Variants in PLIN3 observed in about 807,000 individuals in gnomAD.
The protein encoded by PLIN3 is perilipin 3.
PLIN3 carries 30 observed loss-of-function variants against 35.9 expected under a neutral mutation model. The observed-to-expected ratio is 0.84, with a 90% confidence interval of 0.62 to 1.13. The LOEUF is 1.13. PLIN3 is among the 50% of genes most tolerant of loss of function. The pLI, the probability that PLIN3 is intolerant of heterozygous loss-of-function variation, is 0.00. For synonymous variants in PLIN3, 261 were observed against 262.5 expected (o/e 0.99, Z 0.06); for missense variants, 603 against 596.9 (o/e 1.01, Z -0.11).
At chr19:4,852,645 CTTT>C (rs1160136382) in intron 4 of PLIN3, among the ~76,000 whole-genome samples, 3 of 146,178 alleles carry the variant, frequency 2.1e-5, no homozygotes, top group Non-Finnish European at 3.0e-5. Context: ...TTCTTTCTTT[CTTT>C]TTTTTTTTTG....
At chr19:4,849,002 T>C (rs1180528619) in intron 5 of PLIN3, among the ~76,000 whole-genome samples, 1 of 152,190 alleles carries the variant, frequency 6.6e-6, no homozygotes, top group African/African-American at 2.4e-5. Context: ...TCTCGGTCTG[T>C]TGCCCAGGCT....
At chr19:4,845,581 G>A (rs950954439) in intron 6 of PLIN3, among the ~76,000 whole-genome samples, 13 of 151,976 alleles carry the variant, frequency 8.6e-5, no homozygotes, top group African/African-American at 3.1e-4. Flanking sequence ...AACAGCATAG[G>A]CAACACAGTG....
Position 4,862,503 on chromosome 19 carries a change from C to G in PLIN3, c.-17-1092G>C, listed in dbSNP as rs2030709472. 2.0e-5 allele frequency among the ~76,000 whole-genome samples: 3 copies of G among 152,062 alleles called. No homozygotes were observed. In the South Asian group the frequency reaches 6.2e-4, roughly 31 times the overall value. The stretch of plus-strand genomic sequence containing the variant: ...TCAAACAATCCTCTTGCCTTGGACT[C>G]CCAAAGTTCTGGGATTACAGGAGTG... On this transcript the variant is annotated intron_variant, in intron 1 of 7. Coordinates refer to ENST00000221957, the MANE Select transcript of PLIN3 (RefSeq NM_005817.5).
intron 1 of PLIN3, chr19:4,866,622 G>A (rs141769395): frequency 1.3e-5 from 2 of 152,338 alleles, no homozygotes; most frequent in African/African-American, 4.8e-5. Flanking sequence ...CAGGTGAGAA[G>A]ACATACCTAC....
At chr19:4,865,221 G>A (rs1337380756) in intron 1 of PLIN3, among the ~76,000 whole-genome samples, 1 of 151,660 alleles carries the variant, frequency 6.6e-6, no homozygotes, top group East Asian at 1.9e-4. Context: ...AGGCATGGTA[G>A]CTCACGCCTG....
chr19:4,845,493 A>G (rs1316830611), intron 6 of PLIN3, among the ~76,000 whole-genome samples: 1 of 152,120 alleles, frequency 6.6e-6, no homozygotes, highest in African/African-American at 2.4e-5. Flanking sequence ...TTCCAAAGGA[A>G]CGAAGCAGGC....
At chr19:4,849,301 T>C (rs956377416) in intron 5 of PLIN3, among the ~76,000 whole-genome samples, 6 of 151,682 alleles carry the variant, frequency 4.0e-5, no homozygotes, top group Non-Finnish European at 8.8e-5. Context: ...TTTAGATCTG[T>C]TTGTTTTGTC....
At chr19:4,855,655 G>A (rs1392310259) in intron 4 of PLIN3, among the ~76,000 whole-genome samples, 3 of 152,070 alleles carry the variant, frequency 2.0e-5, no homozygotes, top group Non-Finnish European at 4.4e-5. Context: ...TGATCCGCCC[G>A]CCTCGGCCTC....
chr19:4,842,867 C>T (rs2029939335), intron 7 of PLIN3, among the ~76,000 whole-genome samples: 1 of 152,124 alleles, frequency 6.6e-6, no homozygotes, highest in Non-Finnish European at 1.5e-5. Context: ...TATCTTTATG[C>T]ATGTCACTTT....
chr19:4,865,965 C>T (rs113670932), intron 1 of PLIN3, among the ~76,000 whole-genome samples: 62 of 150,990 alleles, frequency 4.1e-4, no homozygotes, highest in African/African-American at 1.4e-3. Flanking sequence ...CCTCATGATC[C>T]GCCCGCCTCG....
chr19:4,839,387 C>T lies in PLIN3; in HGVS notation c.1110G>A (p.Gln370=), dbSNP rs2093625552. 1 of 1,612,280 alleles carries T rather than the reference C, an allele frequency of 6.2e-7. No individual in the cohort carries two copies. The highest frequency in any genetic ancestry group is 1.3e-5 in the African/African-American group (1 of 74,900). ...QQARRQVEDL[Q]ATFSSIHSFQ... ...AGGAGTGGATGCTGGAAAACGTGGCCTGGAGGTCCTCCACCTGGCGGCGGG... is the reference window on the plus strand; with the variant it reads ...AGGAGTGGATGCTGGAAAACGTGGCTTGGAGGTCCTCCACCTGGCGGCGGG... The change falls in exon 8 of 8, where the codon CAG becomes CAA. Residue 370 remains glutamine, a synonymous_variant. Coordinates refer to ENST00000221957, the MANE Select transcript of PLIN3 (RefSeq NM_005817.5).
intron 1 of PLIN3, among the ~76,000 whole-genome samples, chr19:4,865,614 C>T (rs1421989855): frequency 6.6e-6 from 1 of 151,996 alleles, no homozygotes; most frequent in African/African-American, 2.4e-5. Flanking sequence ...GGAATGAGGC[C>T]CCACCTCCTG....
In PLIN3 at chr19:4,852,082, C is replaced by T. The variant is rs1353366946; in HGVS notation, c.568G>A (p.Asp190Asn). Residue 190 changes from aspartate (D) to asparagine (N), a missense_variant, in exon 5 of 8, where the codon GAC becomes AAC. By Grantham distance (23) the Asp-to-Asn change is conservative. Coordinates refer to ENST00000221957, the MANE Select transcript of PLIN3 (RefSeq NM_005817.5). ...RLGQMVLSGV[D>N]TVLGKSEEWA... ...TCCTCCGACTTCCCCAGCACCGTGT[C>T]GACCCCACTCAACACCATCTGGCCC... 7.4e-6 allele frequency: 12 copies of T among 1,613,846 alleles called. No homozygotes were observed. Among genetic ancestry groups the T allele is most frequent in the East Asian group, 2.2e-5 (1 of 44,890 alleles).
intron 5 of PLIN3, among the ~76,000 whole-genome samples, chr19:4,848,637 C>T (rs1015366488): frequency 1.1e-4 from 16 of 152,194 alleles, no homozygotes; most frequent in African/African-American, 2.9e-4. Context: ...GAGGCCAAGG[C>T]GGGCAGATCA....
intron 6 of PLIN3, among the ~76,000 whole-genome samples, chr19:4,846,782 C>T (rs2030113165): frequency 1.3e-5 from 2 of 151,998 alleles, no homozygotes; most frequent in South Asian, 2.1e-4. Flanking sequence ...TGGCTGTCTA[C>T]GAGTCAAGGA....
Position 4,847,674 on chromosome 19 carries a change from A to G in PLIN3, c.834+17T>C. Reference sequence around the variant, plus strand: ...TGAAGGCTGCTGGCTCAGGGCCCCGACCCCCTGGAACCTCACCAGGCTTAG... The same window carrying G: ...TGAAGGCTGCTGGCTCAGGGCCCCGGCCCCCTGGAACCTCACCAGGCTTAG... On this transcript the variant is annotated intron_variant, in intron 6 of 7. Coordinates refer to ENST00000221957, the MANE Select transcript of PLIN3 (RefSeq NM_005817.5). 4 of 1,576,746 alleles carry G rather than the reference A, an allele frequency of 2.5e-6. No homozygotes were observed. Among genetic ancestry groups the G allele is most frequent in the East Asian group, 2.3e-5 (1 of 43,018 alleles).
At chr19:4,859,435 C>T (rs1175169544) in intron 4 of PLIN3, among the ~76,000 whole-genome samples, 155 bp downstream of exon 4, 3 of 152,124 alleles carry the variant, frequency 2.0e-5, no homozygotes, top group African/African-American at 4.8e-5. Context: ...CCTCCAGCTA[C>T]CCTGTGGGGA....
At chr19:4,847,229 G>C (rs1250269190) in intron 6 of PLIN3, among the ~76,000 whole-genome samples, 1 of 147,396 alleles carries the variant, frequency 6.8e-6, no homozygotes, top group Non-Finnish European at 1.5e-5. Context: ...TTGCTCTGTT[G>C]ACTAGGCTGC....
intron 6 of PLIN3, among the ~76,000 whole-genome samples, chr19:4,846,774 G>T (rs2030112718): frequency 6.6e-6 from 1 of 152,128 alleles, no homozygotes; most frequent in African/African-American, 2.4e-5. Context: ...AGAGAAGATG[G>T]CTGTCTACGA....
Sources: allele counts gnomAD v4.1 joint callset (sites outside exome capture counted in the v4.1 genomes callset), GRCh38; gene constraint gnomAD v4.1.1; transcripts MANE v1.5; gene names NCBI Gene and HGNC (gene_info 2026-07-23, HGNC 2026-07-21).